The following LRTM3 variants were observed in gnomAD, a reference collection of about 807,000 sequenced individuals.
LRTM3 encodes the protein leucine-rich repeat transmembrane protein 3.
At chr13:102,737,612 T>A in the LRTM3 span, 12 of 1,550,940 alleles carry the variant, frequency 7.7e-6, no homozygotes, top group Non-Finnish European at 9.6e-6. Flanking sequence ...AAGTGCCTTC[T>A]TTCCTTTCAG....
chr13:102,752,172 C>G, the LRTM3 span, among the ~76,000 whole-genome samples: 1 of 152,184 alleles, frequency 6.6e-6, no homozygotes, highest in East Asian at 1.9e-4. Context: ...CCTGCTTCAC[C>G]TTTTGATGTC....
chr13:102,750,437 T>C, the LRTM3 span: 1 of 1,027,412 alleles, frequency 9.7e-7, no homozygotes, highest in Non-Finnish European at 1.4e-6. Context: ...ATATATTTCG[T>C]ATAAGAATTA....
the LRTM3 span, chr13:102,734,019 G>A: frequency 6.4e-7 from 1 of 1,551,410 alleles, no homozygotes; most frequent in Admixed American, 2.0e-5. Flanking sequence ...TAAAGAGGAG[G>A]TGCTGACGGT....
the LRTM3 span, chr13:102,741,759 C>G: frequency 6.4e-7 from 1 of 1,550,434 alleles, no homozygotes. Flanking sequence ...GGAATTGAAA[C>G]TGAATGTTTG....
At chr13:102,745,936 A>T in the LRTM3 span, 2 of 1,551,146 alleles carry the variant, frequency 1.3e-6, no homozygotes, top group South Asian at 2.4e-5. Context: ...TCAGTTCCTC[A>T]TCTGATTTGA....
At chr13:102,746,977 G>A in the LRTM3 span, 2 of 1,551,194 alleles carry the variant, frequency 1.3e-6, no homozygotes, top group Non-Finnish European at 1.7e-6. Context: ...CTGTGAATGG[G>A]ATTGGTTGAT....
the LRTM3 span, chr13:102,750,006 C>CA: frequency 6.5e-7 from 1 of 1,550,136 alleles, no homozygotes; most frequent in Non-Finnish European, 8.7e-7. Flanking sequence ...CAAGGTGCCA[C>CA]ATCTAGATCT....
At chr13:102,746,621 G>T in the LRTM3 span, 1 of 1,551,114 alleles carries the variant, frequency 6.4e-7, no homozygotes, top group South Asian at 1.2e-5. Context: ...CGCTGTACTT[G>T]TTGTGAGTGC....
chr13:102,753,555 GT>G, the LRTM3 span, among the ~76,000 whole-genome samples: 4 of 149,678 alleles, frequency 2.7e-5, no homozygotes, highest in African/African-American at 4.9e-5. Context: ...CAGCAAGAAA[GT>G]GGCCATCTGC....
chr13:102,753,011 G>A, the LRTM3 span, among the ~76,000 whole-genome samples: 1 of 152,242 alleles, frequency 6.6e-6, no homozygotes, highest in African/African-American at 2.4e-5. Context: ...AAAAGAGCAT[G>A]TGATGCACAT....
chr13:102,738,001 C>T, the LRTM3 span: 5 of 1,550,788 alleles, frequency 3.2e-6, no homozygotes, highest in Non-Finnish European at 4.4e-6. Flanking sequence ...TTTTCCCTTG[C>T]TCTTTGTCTT....
At chr13:102,736,748 T>C in the LRTM3 span, 2 of 1,550,886 alleles carry the variant, frequency 1.3e-6, no homozygotes, top group Non-Finnish European at 1.7e-6. Flanking sequence ...TACAGCTATG[T>C]ACTCGGGATG....
chr13:102,738,827 C>T, the LRTM3 span: 2 of 1,550,354 alleles, frequency 1.3e-6, no homozygotes, highest in Non-Finnish European at 1.7e-6. Context: ...AATCTTTCCT[C>T]CTTTTTCTTT....
chr13:102,758,350 A>G, the LRTM3 span: 1 of 1,206,950 alleles, frequency 8.3e-7, no homozygotes, highest in South Asian at 1.5e-5. Flanking sequence ...GCAATTTTGA[A>G]TAGAACACAA....
the LRTM3 span, chr13:102,740,816 C>A: frequency 6.5e-6 from 10 of 1,549,474 alleles, no homozygotes; most frequent in African/African-American, 1.4e-5. Context: ...GTACCCTAAA[C>A]TATTGATTGC....
At chr13:102,758,460 G>T in the LRTM3 span, 1 of 1,538,852 alleles carries the variant, frequency 6.5e-7, no homozygotes, top group South Asian at 1.2e-5. Context: ...GAGCTGAATA[G>T]GAATAAAAAA....
the LRTM3 span, chr13:102,743,990 T>C: frequency 7.1e-6 from 11 of 1,550,328 alleles, no homozygotes; most frequent in Non-Finnish European, 9.6e-6. Context: ...GCGTGTTCTG[T>C]TAGATAGAAT....
chr13:102,742,095 C>T, the LRTM3 span: 1 of 1,550,404 alleles, frequency 6.4e-7, no homozygotes, highest in Non-Finnish European at 8.7e-7. Flanking sequence ...TCCATTTTTA[C>T]TTCTGTAAGC....
chr13:102,735,139 C>T, the LRTM3 span: 3 of 1,551,324 alleles, frequency 1.9e-6, no homozygotes, highest in Non-Finnish European at 2.6e-6. Context: ...CCTTTTCCTC[C>T]TCTTGCTCTC....
Sources: allele counts gnomAD v4.1 joint callset (sites outside exome capture counted in the v4.1 genomes callset), GRCh38; gene constraint gnomAD v4.1.1; transcripts MANE v1.5; gene names NCBI Gene and HGNC (gene_info 2026-07-23, HGNC 2026-07-21).